The following EVL variants were observed in gnomAD, a reference collection of about 807,000 sequenced individuals.
The protein encoded by EVL is Enah/Vasp-like, also known as ena/VASP-like protein.
In EVL, 21 loss-of-function variants were observed where a neutral mutation model predicts 59.6. That is an observed-to-expected ratio of 0.35 (90% CI 0.25 to 0.51). The LOEUF is 0.51. Among genes scored for constraint, EVL ranks in the 20% least tolerant of loss-of-function variants. EVL has a pLI of 0.97. For synonymous variants in EVL, 198 were observed against 203.5 expected (o/e 0.97, Z 0.23); for missense variants, 462 against 546.6 (o/e 0.85, Z 1.54).
intron 3 of EVL, among the ~76,000 whole-genome samples, chr14:100,117,908 G>A (rs939692591): frequency 1.3e-5 from 2 of 152,174 alleles, no homozygotes; most frequent in African/African-American, 2.4e-5. Context: ...CTCTAGGCTC[G>A]CCCAGTGGCT....
At chr14:99,980,338 C>G (rs1470094566) in intron 1 of EVL, among the ~76,000 whole-genome samples, 1 of 152,134 alleles carries the variant, frequency 6.6e-6, no homozygotes. Flanking sequence ...GCATCTGGAT[C>G]CCAACATCCC....
At position 100,028,562 on chromosome 14, in the gene EVL, C is replaced by T. The variant is rs1014036668; in HGVS notation, c.6-56125C>T. 2.6e-5 allele frequency among the ~76,000 whole-genome samples: 4 copies of T among 152,140 alleles called. No individual in the cohort carries two copies. The East Asian group carries it at 7.7e-4, about 29-fold the overall frequency. On this transcript the variant is annotated intron_variant, in intron 1 of 13. Coordinates refer to the EVL transcript ENST00000402714. ...GCGCGGTGGCTCACGCCTGTAATCC[C>T]AGCACTTTGGGAGGCTGAGGCGGGT...
chr14:100,095,784 A>G (rs185469900), intron 2 of EVL, among the ~76,000 whole-genome samples: 41 of 152,140 alleles, frequency 2.7e-4, no homozygotes, highest in Admixed American at 1.4e-3. Context: ...CTGGAGTGCA[A>G]TGGCGCAATC....
At chr14:100,097,961 A>C (rs1174661523) in intron 3 of EVL, among the ~76,000 whole-genome samples, 1 of 152,228 alleles carries the variant, frequency 6.6e-6, no homozygotes, top group East Asian at 1.9e-4. Flanking sequence ...TCCAGAGCAA[A>C]CATTTGAGAG....
intron 1 of EVL, among the ~76,000 whole-genome samples, chr14:100,007,918 A>T (rs1260515775): frequency 6.6e-6 from 1 of 152,168 alleles, no homozygotes; most frequent in East Asian, 1.9e-4. Context: ...ATTGACAGAT[A>T]ATACTTTGTT....
At chr14:100,126,609 T>G in intron 4 of EVL, 98 bp from the exon 5 acceptor site, 1 of 1,365,346 alleles carries the variant, frequency 7.3e-7, no homozygotes. Context: ...TGGCGAAACC[T>G]GACTCTGAAG....
chr14:100,036,235 C>T (rs2061386616), intron 1 of EVL, among the ~76,000 whole-genome samples: 1 of 152,168 alleles, frequency 6.6e-6, no homozygotes, highest in African/African-American at 2.4e-5. Context: ...CCAAAACCAT[C>T]CCCCGATCCC....
intron 1 of EVL, among the ~76,000 whole-genome samples, chr14:99,979,702 T>G (rs1490180575): frequency 3.9e-5 from 6 of 151,978 alleles, no homozygotes; most frequent in Admixed American, 3.9e-4. Context: ...ACCCCATCTC[T>G]ACGAAAAGTA....
At chr14:100,050,745 A>AT (rs11420567) in intron 1 of EVL, among the ~76,000 whole-genome samples, 94,525 of 135,036 alleles carry the variant, frequency 0.7, 34,337 homozygotes, top group South Asian at 0.87. Flanking sequence ...TGAGCTCATG[A>AT]TTTTTTTTTT....
intron 1 of EVL, among the ~76,000 whole-genome samples, chr14:100,084,297 A>C (rs116433391): frequency 0.012 from 1,864 of 152,262 alleles, 34 homozygotes; most frequent in African/African-American, 0.043. Flanking sequence ...CACCAGCCTC[A>C]GCCTCCCAAA....
chr14:100,060,566 T>C (rs186336495), upstream of EVL, among the ~76,000 whole-genome samples: 67 of 151,904 alleles, frequency 4.4e-4, no homozygotes, highest in Non-Finnish European at 3.2e-4. Flanking sequence ...TCAATAGATA[T>C]CTAATCTGAA....
At chr14:99,982,692 C>CT (rs2060815378) in intron 1 of EVL, among the ~76,000 whole-genome samples, 2 of 152,150 alleles carry the variant, frequency 1.3e-5, no homozygotes, top group Non-Finnish European at 2.9e-5. Flanking sequence ...GATGCATTGT[C>CT]TTTGTCTTTA....
chr14:99,979,605 C>T (rs983302813), intron 1 of EVL, among the ~76,000 whole-genome samples: 2 of 151,896 alleles, frequency 1.3e-5, no homozygotes, highest in Non-Finnish European at 2.9e-5. Flanking sequence ...TGCGGTGGCT[C>T]ACGCCTGTAA....
intron 1 of EVL, among the ~76,000 whole-genome samples, chr14:100,022,813 T>G (rs1464095541): frequency 6.6e-6 from 1 of 152,168 alleles, no homozygotes; most frequent in African/African-American, 2.4e-5. Context: ...CTCGGCACAG[T>G]CCTGAGGTCG....
intron 1 of EVL, among the ~76,000 whole-genome samples, chr14:99,983,809 A>G (rs2060823621): frequency 6.6e-6 from 1 of 152,100 alleles, no homozygotes; most frequent in East Asian, 1.9e-4. Context: ...TCACTTCCTC[A>G]GGGAGGCAGC....
chr14:100,100,709 G>T (rs1055372910), intron 3 of EVL, among the ~76,000 whole-genome samples: 5 of 149,166 alleles, frequency 3.4e-5, no homozygotes, highest in African/African-American at 1.2e-4. Context: ...AGCCCAGGAG[G>T]CAGAGATTGC....
At chr14:100,071,762 G>A (rs2140279974) in intron 1 of EVL, among the ~76,000 whole-genome samples, 1 of 152,276 alleles carries the variant, frequency 6.6e-6, no homozygotes, top group South Asian at 2.1e-4. Context: ...GAGAGGAGGG[G>A]CTCTGGGTCT....
At chr14:100,025,195 A>G (rs1381983559) in intron 1 of EVL, among the ~76,000 whole-genome samples, 3 of 151,998 alleles carry the variant, frequency 2.0e-5, no homozygotes. Flanking sequence ...GTAACTTCCC[A>G]CTTCACTGAG....
At chr14:100,057,884 A>G (rs1397110887) in intron 1 of EVL, among the ~76,000 whole-genome samples, 1 of 152,182 alleles carries the variant, frequency 6.6e-6, no homozygotes, top group Non-Finnish European at 1.5e-5. Context: ...GACTGTAACT[A>G]ATTTTGGGTA....
Sources: gnomAD v4.1 joint callset for allele counts (sites outside exome capture counted in the v4.1 genomes callset) on GRCh38, gnomAD v4.1.1 for gene constraint, MANE v1.5 for transcripts, NCBI Gene and HGNC (gene_info 2026-07-23, HGNC 2026-07-21) for gene names.